CCDC7: variants seen among roughly 807,000 people sequenced by gnomAD.
CCDC7 encodes coiled-coil domain-containing protein 7.
In CCDC7, 183 loss-of-function variants were observed where a neutral mutation model predicts 196.9. The observed-to-expected ratio is 0.93, with a 90% CI of 0.82 to 1.05. The LOEUF (loss-of-function observed/expected upper bound fraction) is 1.05. CCDC7 is among the 50% of genes least tolerant of loss of function. The pLI, the probability that CCDC7 is intolerant of heterozygous loss-of-function variation, is 0.00. For missense variants in CCDC7, 1,540 were observed against 1,482.2 expected, an observed-to-expected ratio of 1.04 and a Z score of -0.64; for synonymous variants, 525 against 484.6, an observed-to-expected ratio of 1.08 and a Z score of -1.10.
At chr10:32,681,567 G>A (rs901443220) in intron 21 of CCDC7, among the ~76,000 whole-genome samples, 15 of 152,174 alleles carry the variant, frequency 9.9e-5, no homozygotes, top group African/African-American at 3.6e-4. Flanking sequence ...TCAAGACTGC[G>A]ACTACCTCCT....
At chr10:32,476,135 A>G (rs148127272) in intron 8 of CCDC7, among the ~76,000 whole-genome samples, 3 of 152,306 alleles carry the variant, frequency 2.0e-5, no homozygotes, top group African/African-American at 7.2e-5. Context: ...TGACAAATGT[A>G]TCATGTCTTG....
chr10:32,836,119 T>C (rs1361010146), intron 33 of CCDC7, among the ~76,000 whole-genome samples: 3 of 152,080 alleles, frequency 2.0e-5, no homozygotes, highest in African/African-American at 7.2e-5. Context: ...GGCATCTTTT[T>C]CCTTGATCTT....
intron 3 of CCDC7, 101 bp downstream of exon 4, chr10:32,456,435 A>G (rs2034370653): frequency 4.4e-6 from 4 of 918,202 alleles, no homozygotes; most frequent in Admixed American, 6.9e-5. Context: ...ATCTAGATTC[A>G]GTGTCTTAAG....
chr10:32,867,435 G>A (rs960314495), intron 41 of CCDC7, among the ~76,000 whole-genome samples: 30 of 151,114 alleles, frequency 2.0e-4, no homozygotes, highest in African/African-American at 7.3e-4. Context: ...TATGAACATA[G>A]AGAACATTAT....
intron 18 of CCDC7, among the ~76,000 whole-genome samples, chr10:32,627,224 T>C (rs2064177473): frequency 6.6e-6 from 1 of 151,944 alleles, no homozygotes; most frequent in African/African-American, 2.4e-5. Context: ...TTTATCATTT[T>C]TAGTGTACAG....
chr10:32,803,252 AG>A (rs373639881), intron 29 of CCDC7, among the ~76,000 whole-genome samples: 60 of 152,220 alleles, frequency 3.9e-4, no homozygotes, highest in African/African-American at 1.4e-3. Context: ...AATGTCTGTT[AG>A]GTCCATTTGA....
At chr10:32,686,253 G>A (rs924407607) in intron 22 of CCDC7, among the ~76,000 whole-genome samples, 173 bp downstream of exon 23, 8 of 152,216 alleles carry the variant, frequency 5.3e-5, no homozygotes, top group Non-Finnish European at 1.0e-4. Context: ...TTGGCAGTTA[G>A]TATTTCTTGT....
In CCDC7 at chr10:32,567,911, G is replaced by A. The variant is rs370621158; in HGVS notation, c.1419+20G>A. The A allele has an allele frequency of 5.0e-6, 8 of 1,602,296 alleles. No homozygotes were observed. In the African/African-American group the frequency reaches 6.7e-5, roughly 14 times the overall value. On this transcript the variant is annotated intron_variant, in intron 15 of 41. Coordinates refer to ENST00000639629, the Ensembl canonical transcript of CCDC7. ...CCACAGGTGAGGAAATAACCAAAAT[G>A]GAGACAGTAGTATATGTTGTGAGAA... is the stretch of plus-strand genomic sequence containing the variant.
chr10:32,609,463 T>A (rs978494834), intron 18 of CCDC7, among the ~76,000 whole-genome samples: 1 of 152,198 alleles, frequency 6.6e-6, no homozygotes, highest in African/African-American at 2.4e-5. Flanking sequence ...ATGGAATTTT[T>A]AAATTCTATC....
intron 20 of CCDC7, among the ~76,000 whole-genome samples, chr10:32,637,718 T>C (rs1287226592): frequency 1.3e-5 from 2 of 152,172 alleles, no homozygotes; most frequent in African/African-American, 4.8e-5. Flanking sequence ...TGTGGGCTCT[T>C]TTTTGGTTCC....
chr10:32,744,103 AT>A (rs1394391199), intron 28 of CCDC7, among the ~76,000 whole-genome samples: 1 of 151,508 alleles, frequency 6.6e-6, no homozygotes, highest in Admixed American at 6.6e-5. Context: ...AAACCTGCAC[AT>A]TGTGCACATG....
chr10:32,822,093 G>A (rs146224640), intron 31 of CCDC7, among the ~76,000 whole-genome samples: 1 of 152,102 alleles, frequency 6.6e-6, no homozygotes, highest in African/African-American at 2.4e-5. Context: ...AAAATTGAGA[G>A]ATTTCATTTC....
At chr10:32,829,620 T>C (rs2091882897) in intron 32 of CCDC7, among the ~76,000 whole-genome samples, 1 of 152,174 alleles carries the variant, frequency 6.6e-6, no homozygotes, top group South Asian at 2.1e-4. Context: ...TTAGGCATAA[T>C]TATGACTTTA....
chr10:32,509,516 C>CAAA (rs35897485), intron 9 of CCDC7, among the ~76,000 whole-genome samples: 1 of 139,452 alleles, frequency 7.2e-6, no homozygotes, highest in Non-Finnish European at 1.5e-5. Flanking sequence ...GACATTACAC[C>CAAA]AAAAAAAAAA....
chr10:32,740,608 GGAATGACTGTATACA>G (rs1211683479), intron 28 of CCDC7, among the ~76,000 whole-genome samples: 1 of 152,144 alleles, frequency 6.6e-6, no homozygotes, highest in Non-Finnish European at 1.5e-5. Flanking sequence ...TGTATACCAA[GGAATGACTGTATACA>G]GACTCATGAA....
intron 9 of CCDC7, chr10:32,512,441 A>G (rs1418171519): frequency 6.6e-6 from 1 of 152,250 alleles, no homozygotes; most frequent in Non-Finnish European, 1.5e-5. Context: ...TGGAATCATA[A>G]TAATTCTAAC....
intron 21 of CCDC7, among the ~76,000 whole-genome samples, chr10:32,679,843 A>T (rs1219165543): frequency 2.6e-5 from 4 of 152,224 alleles, no homozygotes; most frequent in Non-Finnish European, 4.4e-5. Context: ...TAAGTATATT[A>T]GTGGTCAATT....
At position 32,830,121 on chromosome 10, in the gene CCDC7, G is replaced by GATATATATATACATATATATATAT. The variant is rs373724864; in HGVS notation, c.3269-4683_3269-4682insCATATATATATATATATATATATA. 4.4e-3 allele frequency among the ~76,000 whole-genome samples: 223 copies of GATATATATATACATATATATATAT among 50,656 alleles called. 18 individuals are homozygous for GATATATATATACATATATATATAT. Among genetic ancestry groups the GATATATATATACATATATATATAT allele is most frequent in the Middle Eastern group, 0.014 (1 of 72 alleles). 33.2% of individuals were successfully genotyped at this position (50,656 alleles called of 152,430 possible). ...TCCTATTAGTTCTTATATATATAAG[G>GATATATATATACATATATATATAT]ATATATATATATATATATATCCTAT... On this transcript the variant is annotated intron_variant, in intron 32 of 41. Transcript: ENST00000639629.
downstream of CCDC7, among the ~76,000 whole-genome samples, chr10:32,878,119 T>G (rs976102482): frequency 2.0e-5 from 3 of 152,144 alleles, no homozygotes; most frequent in Non-Finnish European, 4.4e-5. Flanking sequence ...ATAAAAATAT[T>G]CCACACCTGT....
Sources: allele counts gnomAD v4.1 joint callset (sites outside exome capture counted in the v4.1 genomes callset), GRCh38; gene constraint gnomAD v4.1.1; transcripts MANE v1.5; gene names NCBI Gene and HGNC (gene_info 2026-07-23, HGNC 2026-07-21).